Variants in WDR47 observed in about 807,000 individuals in gnomAD.
WDR47 encodes WD repeat domain 47.
Under a neutral mutation model 97.2 loss-of-function variants are expected in WDR47, and 32 were observed. The observed-to-expected ratio is 0.33, with a 90% confidence interval of 0.25 to 0.44. The LOEUF (loss-of-function observed/expected upper bound fraction) is 0.44. Among genes scored for constraint, WDR47 ranks in the 20% least tolerant of loss-of-function variants. WDR47 has a pLI of 1.00. For synonymous variants in WDR47, 375 were observed against 373.5 expected, an observed-to-expected ratio of 1.00 and a Z score of -0.05; for missense variants, 782 against 1,102.3, an observed-to-expected ratio of 0.71 and a Z score of 4.11.
At chr1:108,992,909 T>C in intron 8 of WDR47, 1 of 967,172 alleles carries the variant, frequency 1.0e-6, no homozygotes, top group Non-Finnish European at 1.6e-6. Context: ...GTGAGGAAAT[T>C]GCTAAATAAT....
chr1:108,975,744 A>G (rs745352457), intron 13 of WDR47, among the ~76,000 whole-genome samples: 1 of 152,154 alleles, frequency 6.6e-6, no homozygotes, highest in Non-Finnish European at 1.5e-5. Flanking sequence ...TTCATAAAAA[A>G]ATGGGACACA....
intron 3 of WDR47, among the ~76,000 whole-genome samples, chr1:109,014,449 T>A (rs1661269777): frequency 6.6e-6 from 1 of 151,786 alleles, no homozygotes; most frequent in African/African-American, 2.4e-5. Context: ...TTTTTTTTTT[T>A]AGAGACAGAG....
chr1:109,010,921 A>C lies in WDR47; in HGVS notation c.1125T>G (p.Pro375=). 6.2e-7 allele frequency: 1 copy of C among 1,609,860 alleles called. No homozygotes were observed. Among genetic ancestry groups the C allele is most frequent in the Non-Finnish European group, 8.5e-7 (1 of 1,177,136 alleles). ...TTTTATAACCAAATGCTTACCGCTC[A>C]GGGGATTCTTCGTAAATACTGTGAC... is the stretch of plus-strand genomic sequence containing the variant. ...TECHSIYEES[P]ERDTPVDAQR... Residue 375 remains proline, a synonymous_variant, in exon 5 of 15, where the codon CCT becomes CCG. Transcript: ENST00000369962.
chr1:108,998,501 C>CA (rs1365280388), intron 7 of WDR47, among the ~76,000 whole-genome samples: 4 of 149,602 alleles, frequency 2.7e-5, no homozygotes, highest in Admixed American at 6.7e-5. Context: ...GACTCCGCCT[C>CA]AAAAAACAAA....
At chr1:109,039,179 A>G (rs1375771985) in intron 1 of WDR47, among the ~76,000 whole-genome samples, 3 of 152,210 alleles carry the variant, frequency 2.0e-5, no homozygotes, top group Non-Finnish European at 4.4e-5. Flanking sequence ...ACTGGGATAC[A>G]ATGATCGAGC....
chr1:108,973,361 C>T (rs1404178799), intron 14 of WDR47, among the ~76,000 whole-genome samples: 1 of 152,160 alleles, frequency 6.6e-6, no homozygotes, highest in Non-Finnish European at 1.5e-5. Context: ...AGCACAAATA[C>T]CTAAAATTAC....
intron 7 of WDR47, among the ~76,000 whole-genome samples, chr1:109,000,508 C>CAA (rs71069634): frequency 0.073 from 5,104 of 69,920 alleles, 743 homozygotes; most frequent in African/African-American, 0.17. Context: ...GACTCTGTCT[C>CAA]AAAAAAAAAA....
intron 1 of WDR47, among the ~76,000 whole-genome samples, chr1:109,039,128 T>C (rs1663165602): frequency 6.6e-6 from 1 of 152,228 alleles, no homozygotes; most frequent in Non-Finnish European, 1.5e-5. Flanking sequence ...AGGTGGGTAA[T>C]GAGTGATGAG....
chr1:109,005,726 G>A (rs1660551365), intron 5 of WDR47, among the ~76,000 whole-genome samples: 1 of 151,202 alleles, frequency 6.6e-6, no homozygotes, highest in Non-Finnish European at 1.5e-5. Flanking sequence ...ACAAAAATTT[G>A]TTGGGCGTGG....
intron 1 of WDR47, among the ~76,000 whole-genome samples, chr1:109,026,654 T>C (rs1557960490): frequency 6.6e-6 from 1 of 152,142 alleles, no homozygotes; most frequent in South Asian, 2.1e-4. Flanking sequence ...TATATCTCCA[T>C]GTACCAACCA....
chr1:108,982,006 G>A (rs542239744), intron 12 of WDR47, 142 bp from the exon 13 acceptor site: 4 of 858,924 alleles, frequency 4.7e-6, no homozygotes, highest in Admixed American at 3.0e-5. Context: ...GAGGACTGCT[G>A]GAGCCCAGGA....
chr1:109,024,931 A>C (rs1662094863), intron 1 of WDR47: 1 of 152,426 alleles, frequency 6.6e-6, no homozygotes, highest in African/African-American at 2.4e-5. Flanking sequence ...GTTAGAAGTT[A>C]CATACAGTGA....
intron 1 of WDR47, among the ~76,000 whole-genome samples, chr1:109,025,390 C>T (rs1199131671): frequency 6.7e-6 from 1 of 148,510 alleles, no homozygotes. Flanking sequence ...GTGATCATAC[C>T]ACTGCACTCC....
chr1:109,008,110 GAA>G (rs66883954), intron 5 of WDR47, among the ~76,000 whole-genome samples: 244 of 143,626 alleles, frequency 1.7e-3, no homozygotes, highest in African/African-American at 6.2e-3. Context: ...TCAAAAAAAA[GAA>G]AAAAAAAAAG....
intron 2 of WDR47, among the ~76,000 whole-genome samples, chr1:109,021,256 A>G (rs1661815885): frequency 6.6e-6 from 1 of 152,130 alleles, no homozygotes; most frequent in Admixed American, 6.6e-5. Flanking sequence ...AGCTAGGTGC[A>G]GTGGCTCATG....
chr1:109,009,640 G>C (rs900951305), intron 5 of WDR47, among the ~76,000 whole-genome samples: 2 of 152,086 alleles, frequency 1.3e-5, no homozygotes, highest in African/African-American at 4.8e-5. Context: ...AAATAGTCAT[G>C]GTCTTTCAAG....
intron 7 of WDR47, among the ~76,000 whole-genome samples, chr1:109,000,155 G>A (rs1437988772): frequency 6.6e-6 from 1 of 152,024 alleles, no homozygotes; most frequent in Non-Finnish European, 1.5e-5. Context: ...AGGTTACAGT[G>A]AGCTATGATC....
intron 1 of WDR47, among the ~76,000 whole-genome samples, chr1:109,031,935 G>A (rs1662632727): frequency 7.3e-6 from 1 of 136,176 alleles, no homozygotes; most frequent in Admixed American, 8.1e-5. Flanking sequence ...CAGTAATTGG[G>A]ACTACAGGCA....
rs1001424963 is a variant in WDR47 at position 108,992,741 on chromosome 1, G to T, written c.1692-1412C>A. ...CATTGAGATGATCCTTACGGAAAAGGAACAGATTGTTCCTAAACCAGAAGA... is the reference window on the plus strand; with the variant it reads ...CATTGAGATGATCCTTACGGAAAAGTAACAGATTGTTCCTAAACCAGAAGA... On this transcript the variant is annotated intron_variant, in intron 8 of 14. Transcript: ENST00000369962. The T allele has an allele frequency of 4.4e-6, 7 of 1,595,106 alleles. No individual in the cohort carries two copies. The Admixed American group carries it at 6.7e-5, about 15-fold the overall frequency.
Sources: allele counts gnomAD v4.1 joint callset (sites outside exome capture counted in the v4.1 genomes callset), GRCh38; gene constraint gnomAD v4.1.1; transcripts MANE v1.5; gene names NCBI Gene and HGNC (gene_info 2026-07-23, HGNC 2026-07-21).